USP32: variants seen among roughly 807,000 people sequenced by gnomAD.
USP32 encodes the protein ubiquitin specific peptidase 32, also known as ubiquitin carboxyl-terminal hydrolase 32.
Under a neutral mutation model 204.8 loss-of-function variants are expected in USP32, and 59 were observed. That is an observed-to-expected ratio of 0.29 (90% CI 0.23 to 0.36). The LOEUF (loss-of-function observed/expected upper bound fraction) is 0.36, where lower values mean the gene tolerates loss of function less well. Ranked by LOEUF, USP32 falls within the 10% of genes least tolerant of loss-of-function variation. The probability of loss-of-function intolerance (pLI) is 1.00; values close to 1 mark genes in which losing one functional copy is unlikely to be tolerated. For missense variants in USP32, 1,160 were observed against 1,946.4 expected, an observed-to-expected ratio of 0.60 and a Z score of 7.60; for synonymous variants, 517 against 678.4, an observed-to-expected ratio of 0.76 and a Z score of 3.70.
At chr17:60,422,036 C>T (rs564466051) in intron 1 of USP32, 2 of 832,286 alleles carry the variant, frequency 2.4e-6, no homozygotes, top group Admixed American at 6.2e-5. Context: ...GCACCCAGCA[C>T]GGAGGGCTTA....
rs563762940 is a variant in USP32 at position 60,224,171 on chromosome 17, C to G, written c.1433-585G>C. The stretch of plus-strand genomic sequence containing the variant: ...TGTGAGCCTCAGTGGTATTTTAAGC[C>G]ATTTCAACTCTCAACTACATGCTAA... On this transcript the variant is annotated intron_variant, in intron 13 of 33. Coordinates refer to ENST00000300896, the MANE Select transcript of USP32 (RefSeq NM_032582.4). 4.6e-5 allele frequency among the ~76,000 whole-genome samples: 7 copies of G among 152,328 alleles called. No individual in the cohort carries two copies. The East Asian group carries it at 1.3e-3, about 29-fold the overall frequency.
At chr17:60,255,370 T>A (rs2086274081) in intron 9 of USP32, 112 bp from the exon 10 acceptor site, 1 of 751,528 alleles carries the variant, frequency 1.3e-6, no homozygotes, top group Non-Finnish European at 2.0e-6. Flanking sequence ...CGATCTTGGC[T>A]CACTGAAACC....
chr17:60,184,124 AAAAT>A (rs1050036078), intron 30 of USP32, among the ~76,000 whole-genome samples: 1 of 151,392 alleles, frequency 6.6e-6, no homozygotes, highest in Non-Finnish European at 1.5e-5. Context: ...ATCTCTACTA[AAAAT>A]AAATAAATAA....
intron 26 of USP32, among the ~76,000 whole-genome samples, chr17:60,202,165 A>C (rs981011132): frequency 6.6e-6 from 1 of 152,156 alleles, no homozygotes; most frequent in South Asian, 2.1e-4. Flanking sequence ...TGAGAAAACT[A>C]TCTTTCTCTC....
chr17:60,225,166 A>G (rs1037325492), intron 13 of USP32, among the ~76,000 whole-genome samples: 3 of 152,164 alleles, frequency 2.0e-5, no homozygotes, highest in Non-Finnish European at 4.4e-5. Flanking sequence ...GAAAATAGTG[A>G]AAATAGCCGC....
intron 15 of USP32, among the ~76,000 whole-genome samples, chr17:60,222,133 C>T (rs2085269106): frequency 6.6e-6 from 1 of 152,202 alleles, no homozygotes; most frequent in Non-Finnish European, 1.5e-5. Context: ...TGGCTCTTGG[C>T]CTGTCTTCCC....
chr17:60,195,993 C>T (rs765363260), intron 27 of USP32, among the ~76,000 whole-genome samples: 86 of 152,278 alleles, frequency 5.6e-4, no homozygotes, highest in South Asian at 1.0e-3. Flanking sequence ...CGGCCTGGGC[C>T]GGGTGCAGCA....
At chr17:60,221,053 A>C (rs2085234001) in intron 15 of USP32, among the ~76,000 whole-genome samples, 1 of 152,018 alleles carries the variant, frequency 6.6e-6, no homozygotes, top group Non-Finnish European at 1.5e-5. Flanking sequence ...TCTGCAACAG[A>C]ACTTTTTTTT....
intron 13 of USP32, among the ~76,000 whole-genome samples, chr17:60,224,085 A>T (rs1447541480): frequency 6.6e-6 from 1 of 152,248 alleles, no homozygotes; most frequent in Non-Finnish European, 1.5e-5. Flanking sequence ...CTTTTGAAAG[A>T]AATACATGAT....
At chr17:60,183,573 T>A in intron 30 of USP32, 120 bp from the exon 31 acceptor site, 1 of 1,363,730 alleles carries the variant, frequency 7.3e-7, no homozygotes, top group Non-Finnish European at 1.0e-6. Context: ...ACATTTACTC[T>A]TCATTATTTT....
chr17:60,235,370 G>A (rs1489446183), intron 12 of USP32, among the ~76,000 whole-genome samples: 1 of 152,132 alleles, frequency 6.6e-6, no homozygotes, highest in African/African-American at 2.4e-5. Context: ...ACCAAAGTCC[G>A]TGTTTCCCAA....
chr17:60,328,186 A>G (rs1168442098), intron 2 of USP32, among the ~76,000 whole-genome samples: 1 of 152,166 alleles, frequency 6.6e-6, no homozygotes, highest in Non-Finnish European at 1.5e-5. Context: ...TCCATAGACC[A>G]ATCAGTGCAT....
intron 5 of USP32, among the ~76,000 whole-genome samples, chr17:60,276,652 T>C (rs2086847068): frequency 6.6e-6 from 1 of 152,196 alleles, no homozygotes; most frequent in Non-Finnish European, 1.5e-5. Flanking sequence ...GTTTACATAA[T>C]ACAGTAAATT....
intron 5 of USP32, 121 bp from the exon 6 acceptor site, chr17:60,271,602 T>C: frequency 9.7e-7 from 1 of 1,029,478 alleles, no homozygotes; most frequent in Admixed American, 3.2e-5. Flanking sequence ...TGCTAAAAAA[T>C]AATCACGACC....
chr17:60,261,932 G>A (rs375641944), intron 9 of USP32, among the ~76,000 whole-genome samples: 8 of 152,044 alleles, frequency 5.3e-5, no homozygotes, highest in East Asian at 1.9e-4. Context: ...AGATACCACC[G>A]TACAGAATCA....
At chr17:60,414,299 G>T (rs2090042916) in intron 1 of USP32, among the ~76,000 whole-genome samples, 1 of 150,896 alleles carries the variant, frequency 6.6e-6, no homozygotes, top group Admixed American at 6.7e-5. Context: ...GGAGGCAGAG[G>T]TTGCAGTGAG....
intron 9 of USP32, among the ~76,000 whole-genome samples, chr17:60,259,453 C>T (rs59501177): frequency 0.045 from 6,796 of 151,930 alleles, 534 homozygotes; most frequent in African/African-American, 0.15. Context: ...CGTGTGAGCG[C>T]GCCCTTCAGT....
chr17:60,226,465 TAA>T, intron 12 of USP32, among the ~76,000 whole-genome samples: 1 of 152,336 alleles, frequency 6.6e-6, no homozygotes, highest in South Asian at 2.1e-4. Context: ...TTGTGCCACA[TAA>T]AGTAATTTAC....
intron 1 of USP32, among the ~76,000 whole-genome samples, chr17:60,349,671 A>G (rs557951245): frequency 1.3e-4 from 17 of 133,796 alleles, no homozygotes; most frequent in Non-Finnish European, 2.6e-4. Flanking sequence ...ATACACATAT[A>G]TATATACACA....
Sources: gnomAD v4.1 joint callset for allele counts (sites outside exome capture counted in the v4.1 genomes callset) on GRCh38, gnomAD v4.1.1 for gene constraint, MANE v1.5 for transcripts, NCBI Gene and HGNC (gene_info 2026-07-23, HGNC 2026-07-21) for gene names.